TGFA: variants seen among roughly 807,000 people sequenced by gnomAD.
The protein encoded by TGFA is protransforming growth factor alpha.
Under a neutral mutation model 21.7 loss-of-function variants are expected in TGFA, and 12 were observed. The ratio of observed to expected loss-of-function variants is 0.55; its 90% CI spans 0.35 to 0.90. The LOEUF (loss-of-function observed/expected upper bound fraction) is 0.90, where lower values mean the gene tolerates loss of function less well. Ranked by LOEUF, TGFA falls within the 40% of genes least tolerant of loss-of-function variation. The pLI, the probability that TGFA is intolerant of heterozygous loss-of-function variation, is 0.01. For missense variants in TGFA, 178 were observed against 210.8 expected (o/e 0.84, Z 0.96); for synonymous variants, 79 against 88.1 (o/e 0.90, Z 0.58).
At chr2:70,454,797 C>G (rs187869360) in intron 4 of TGFA, among the ~76,000 whole-genome samples, 1 of 152,184 alleles carries the variant, frequency 6.6e-6, no homozygotes, top group South Asian at 2.1e-4. Context: ...TGGGACTGGC[C>G]GCCTCCCTGG....
intron 2 of TGFA, among the ~76,000 whole-genome samples, chr2:70,492,686 T>C (rs2103789730): frequency 6.6e-6 from 1 of 152,314 alleles, no homozygotes; most frequent in Admixed American, 6.5e-5. Context: ...TTGAACTGAA[T>C]TCGTGTAAAG....
intron 3 of TGFA, among the ~76,000 whole-genome samples, chr2:70,462,028 A>T (rs141799206): frequency 3.9e-4 from 59 of 152,272 alleles, no homozygotes; most frequent in African/African-American, 1.3e-3. Context: ...GATATTTTAG[A>T]AAGTGCTCCC....
intron 1 of TGFA, among the ~76,000 whole-genome samples, chr2:70,533,458 G>A (rs1283538038): frequency 6.6e-6 from 1 of 152,148 alleles, no homozygotes; most frequent in East Asian, 1.9e-4. Flanking sequence ...GTGCAATGTG[G>A]ACAAAAACTG....
intron 1 of TGFA, among the ~76,000 whole-genome samples, chr2:70,522,758 G>T (rs530006511): frequency 1.3e-5 from 2 of 152,152 alleles, no homozygotes; most frequent in Non-Finnish European, 2.9e-5. Flanking sequence ...GGATGTGCAG[G>T]TTTGTTACTT....
intron 2 of TGFA, among the ~76,000 whole-genome samples, chr2:70,496,727 A>G (rs1671588522): frequency 6.6e-6 from 1 of 152,146 alleles, no homozygotes; most frequent in African/African-American, 2.4e-5. Flanking sequence ...TCCTTCATTC[A>G]TTTACTCACT....
chr2:70,543,527 A>AC (rs1491029997), intron 1 of TGFA, among the ~76,000 whole-genome samples: 1 of 41,838 alleles, frequency 2.4e-5, no homozygotes, highest in African/African-American at 8.7e-5. Context: ...CTCTGTCTCA[A>AC]AAAAAAAAAA....
At chr2:70,553,571 G>A in intron 1 of TGFA, 157 bp downstream of exon 1, 13 of 1,322,412 alleles carry the variant, frequency 9.8e-6, no homozygotes, top group Non-Finnish European at 1.2e-5. Context: ...CATTCTTAAT[G>A]ACTCCCCTTG....
At chr2:70,477,394 A>G (rs1371754846) in intron 2 of TGFA, among the ~76,000 whole-genome samples, 1 of 152,224 alleles carries the variant, frequency 6.6e-6, no homozygotes, top group African/African-American at 2.4e-5. Context: ...ATCCATTTCC[A>G]ACCACTATAC....
rs555270136 is a variant in TGFA at position 70,512,944 on chromosome 2, G to T, written c.94+1915C>A. 2.0e-3 allele frequency among the ~76,000 whole-genome samples: 300 copies of T among 152,330 alleles called. 1 individual carries two copies. Among genetic ancestry groups the T allele is most frequent in the African/African-American group, 7.2e-3 (298 of 41,560 alleles). ...TGTGAATCAGGAGGAGCAGGAGGAA[G>T]GCTTCACCAGAGAGCCGGGAAACTA... On this transcript the variant is annotated intron_variant, in intron 2 of 5. Transcript: ENST00000295400.
chr2:70,449,672 C>T lies in TGFA; in HGVS notation c.*1187G>A, dbSNP rs11466290. 6.8e-3 allele frequency: 1,348 copies of T among 198,192 alleles called. 18 individuals carry two copies. The highest frequency in any genetic ancestry group is 0.029 in the African/African-American group (1,250 of 42,546). 12.3% of individuals were successfully genotyped at this position (198,192 alleles called of 1,614,324 possible). On this transcript the variant is annotated 3_prime_UTR_variant, in exon 6 of 6. Transcript: ENST00000295400. ...TTACTGGAATAGTTTTCCTAGTGCT[C>T]GAAAATAAATAGCAAAGTTAAACTT...
At chr2:70,529,088 A>C (rs966092479) in intron 1 of TGFA, among the ~76,000 whole-genome samples, 1 of 152,140 alleles carries the variant, frequency 6.6e-6, no homozygotes, top group African/African-American at 2.4e-5. Flanking sequence ...TATGGTATGT[A>C]TGTCTGTTTG....
rs1456827776 is a variant in TGFA, at chr2:70,476,105, AAATT to A, written c.95-10373_95-10370del. Among the ~76,000 whole-genome samples the A allele has an allele frequency of 1.0e-4, 15 of 150,634 alleles. 1 individual carries two copies. The highest frequency in any genetic ancestry group is 8.0e-4 in the Admixed American group (12 of 15,044). Reference sequence around the variant, plus strand: ...CAAAAAAAAAAAAAAAAAAAAAAAAAAATTAAGAAAATTACAGGTCACGATTTTG... The same window carrying A: ...CAAAAAAAAAAAAAAAAAAAAAAAAAAAGAAAATTACAGGTCACGATTTTG... On this transcript the variant is annotated intron_variant, in intron 2 of 5. Coordinates refer to ENST00000295400, the MANE Select transcript of TGFA (RefSeq NM_003236.4).
At chr2:70,490,892 A>G (rs1553497477) in intron 2 of TGFA, among the ~76,000 whole-genome samples, 2 of 151,790 alleles carry the variant, frequency 1.3e-5, no homozygotes, top group East Asian at 3.9e-4. Context: ...CTGTGGACCA[A>G]TTAGTGCCTT....
intron 2 of TGFA, among the ~76,000 whole-genome samples, chr2:70,489,547 CA>C (rs1671366418): frequency 6.6e-6 from 1 of 152,160 alleles, no homozygotes; most frequent in Non-Finnish European, 1.5e-5. Context: ...AACCATCAGA[CA>C]ATGTCTGAGA....
rs1013418644 is a variant in TGFA, at chr2:70,517,590, G to A, written c.41-2678C>T. Reference sequence around the variant, plus strand: ...CAGCTGGTAGAAATGCCCAGTCATAGAGATGAAGAAACTGAGGCTTAGAGA... The same window carrying A: ...CAGCTGGTAGAAATGCCCAGTCATAAAGATGAAGAAACTGAGGCTTAGAGA... On this transcript the variant is annotated intron_variant, in intron 1 of 5. Coordinates refer to ENST00000295400, the MANE Select transcript of TGFA (RefSeq NM_003236.4). 2.0e-5 allele frequency among the ~76,000 whole-genome samples: 3 copies of A among 152,200 alleles called. No homozygotes were observed. The East Asian group carries it at 5.8e-4, about 29-fold the overall frequency.
intron 1 of TGFA, among the ~76,000 whole-genome samples, chr2:70,528,973 G>A (rs868958031): frequency 5.3e-5 from 8 of 152,194 alleles, no homozygotes; most frequent in Admixed American, 2.6e-4. Context: ...GACGAGGGGG[G>A]CTTTTAATTG....
intron 1 of TGFA, among the ~76,000 whole-genome samples, chr2:70,517,260 T>C (rs1672312625): frequency 6.6e-6 from 1 of 152,248 alleles, no homozygotes; most frequent in Non-Finnish European, 1.5e-5. Flanking sequence ...AATAGGTCCT[T>C]TCTATACCCT....
chr2:70,529,795 G>T (rs1553503515), intron 1 of TGFA, among the ~76,000 whole-genome samples: 1 of 152,182 alleles, frequency 6.6e-6, no homozygotes, highest in East Asian at 1.9e-4. Flanking sequence ...AGACACTCAG[G>T]GTCCTGGGGA....
intron 4 of TGFA, 71 bp from the exon 5 acceptor site, chr2:70,453,398 C>T (rs1670123346): frequency 3.6e-6 from 5 of 1,406,130 alleles, no homozygotes; most frequent in Non-Finnish European, 3.0e-6. Context: ...AGCATCTGCC[C>T]TAGGGGCCTG....
Sources: gnomAD v4.1 joint callset for allele counts (sites outside exome capture counted in the v4.1 genomes callset) on GRCh38, gnomAD v4.1.1 for gene constraint, MANE v1.5 for transcripts, NCBI Gene and HGNC (gene_info 2026-07-23, HGNC 2026-07-21) for gene names.